KCNQ5: variants seen among roughly 807,000 people sequenced by gnomAD.
The protein encoded by KCNQ5 is potassium voltage-gated channel subfamily Q member 5.
In KCNQ5, 30 loss-of-function variants were observed where a neutral mutation model predicts 98.2. The observed-to-expected ratio is 0.31, with a 90% CI of 0.23 to 0.41. The LOEUF (loss-of-function observed/expected upper bound fraction) is 0.41. Ranked by LOEUF, KCNQ5 falls within the 10% of genes least tolerant of loss-of-function variation. The pLI is 1.00. For missense variants in KCNQ5, 835 were observed against 1,182.5 expected (o/e 0.71, Z 4.31); for synonymous variants, 458 against 449.4 (o/e 1.02, Z -0.24).
intron 1 of KCNQ5, chr6:72,986,648 A>C: frequency 1.3e-6 from 1 of 774,074 alleles, no homozygotes; most frequent in South Asian, 1.7e-5. Flanking sequence ...GAAGTCACCC[A>C]ATCCCAGGAA....
At chr6:73,133,047 A>T in intron 9 of KCNQ5, among the ~76,000 whole-genome samples, 2 of 152,344 alleles carry the variant, frequency 1.3e-5, no homozygotes, top group Admixed American at 1.3e-4. Context: ...CTCCCAAACA[A>T]AAAATAATTT....
intron 3 of KCNQ5, among the ~76,000 whole-genome samples, chr6:73,068,292 G>A (rs540779851): frequency 1.3e-4 from 20 of 152,080 alleles, no homozygotes; most frequent in East Asian, 3.9e-4. Context: ...GGGAAACTCC[G>A]TCTCAAAAAA....
chr6:72,882,900 T>C (rs1042388864), intron 1 of KCNQ5, among the ~76,000 whole-genome samples: 1 of 152,154 alleles, frequency 6.6e-6, no homozygotes, highest in African/African-American at 2.4e-5. Flanking sequence ...AGCTTTATGG[T>C]CTTTAATTTT....
chr6:72,774,989 G>C (rs1233435665), intron 1 of KCNQ5, among the ~76,000 whole-genome samples: 20 of 152,100 alleles, frequency 1.3e-4, no homozygotes, highest in Non-Finnish European at 2.6e-4. Context: ...GTGTCCATAT[G>C]TTCATGAAAA....
chr6:73,119,123 C>T (rs139003567), intron 7 of KCNQ5, among the ~76,000 whole-genome samples: 1 of 152,284 alleles, frequency 6.6e-6, no homozygotes, highest in Admixed American at 6.5e-5. Flanking sequence ...GGAGTAAATA[C>T]CTGGCCATTA....
At chr6:72,899,731 GATTTTGGTGTACCCATCACCAGAGCAGT>G in intron 1 of KCNQ5, among the ~76,000 whole-genome samples, 1 of 152,100 alleles carries the variant, frequency 6.6e-6, no homozygotes, top group Middle Eastern at 3.4e-3. Context: ...TGATTTCTGA[GATTTTGGTGTACCCATCACCAGAGCAGT>G]ATACACTTCA....
intron 1 of KCNQ5, among the ~76,000 whole-genome samples, chr6:72,724,915 C>T (rs1184093489): frequency 6.6e-6 from 1 of 152,138 alleles, no homozygotes; most frequent in Non-Finnish European, 1.5e-5. Flanking sequence ...TGCAGAAATA[C>T]AAGTCATATA....
chr6:72,767,177 T>C (rs1772616742), intron 1 of KCNQ5, among the ~76,000 whole-genome samples: 1 of 152,024 alleles, frequency 6.6e-6, no homozygotes, highest in Non-Finnish European at 1.5e-5. Flanking sequence ...TTTGGTATGT[T>C]AAATTTAATG....
intron 1 of KCNQ5, among the ~76,000 whole-genome samples, chr6:72,790,487 G>A (rs1457904672): frequency 6.6e-6 from 1 of 152,214 alleles, no homozygotes; most frequent in African/African-American, 2.4e-5. Context: ...TAAAAGGATA[G>A]TTACCAGAGG....
At chr6:72,960,237 T>C (rs1398454251) in intron 1 of KCNQ5, among the ~76,000 whole-genome samples, 2 of 152,188 alleles carry the variant, frequency 1.3e-5, no homozygotes, top group Non-Finnish European at 2.9e-5. Context: ...TCCAGATCTA[T>C]CAATAAGCAA....
chr6:73,140,571 C>G (rs1251711575), intron 10 of KCNQ5, among the ~76,000 whole-genome samples: 1 of 152,206 alleles, frequency 6.6e-6, no homozygotes, highest in African/African-American at 2.4e-5. Context: ...GTAGGGCACC[C>G]ATTCCTGTCA....
chr6:72,880,974 A>C lies in KCNQ5; in HGVS notation c.399-122934A>C, dbSNP rs181455771. On this transcript the variant is annotated intron_variant, in intron 1 of 13. Coordinates refer to ENST00000370398, the MANE Select transcript of KCNQ5 (RefSeq NM_019842.4). ...AGTTGGATTGATCCAAGATTGATGG[A>C]GCAGAGAGGATTAAAGATGTCGACA... Among the ~76,000 whole-genome samples, 209 of 152,330 alleles carry C rather than the reference A, an allele frequency of 1.4e-3. 3 individuals carry two copies. The highest frequency in any genetic ancestry group is 1.9e-4 in the Non-Finnish European group (13 of 68,030).
intron 1 of KCNQ5, among the ~76,000 whole-genome samples, chr6:72,814,023 C>G (rs1775378504): frequency 6.6e-6 from 1 of 152,046 alleles, no homozygotes; most frequent in South Asian, 2.1e-4. Context: ...TCACCCAGAG[C>G]CTATGGGGCC....
chr6:72,625,263 C>T (rs2098917496), intron 1 of KCNQ5, among the ~76,000 whole-genome samples: 1 of 152,118 alleles, frequency 6.6e-6, no homozygotes, highest in South Asian at 2.1e-4. Flanking sequence ...GAGTACATAT[C>T]CTAGCCTATT....
intron 1 of KCNQ5, among the ~76,000 whole-genome samples, chr6:72,737,921 C>T (rs568378379): frequency 1.3e-4 from 20 of 152,094 alleles, no homozygotes; most frequent in Non-Finnish European, 2.5e-4. Context: ...TTTGGGAGGC[C>T]GAGGTGGGTG....
intron 1 of KCNQ5, among the ~76,000 whole-genome samples, chr6:72,931,313 T>C (rs1373329655): frequency 5.3e-5 from 8 of 152,196 alleles, no homozygotes; most frequent in Admixed American, 2.0e-4. Flanking sequence ...AATAAATTAC[T>C]ACTAGAATAC....
chr6:72,684,890 CTGTG>C (rs1172440266), intron 1 of KCNQ5, among the ~76,000 whole-genome samples: 1 of 151,796 alleles, frequency 6.6e-6, no homozygotes, highest in Non-Finnish European at 1.5e-5. Flanking sequence ...GTGTGTCTGT[CTGTG>C]TATTTCTGAG....
At chr6:72,951,944 A>T (rs913433995) in intron 1 of KCNQ5, among the ~76,000 whole-genome samples, 13 of 152,332 alleles carry the variant, frequency 8.5e-5, no homozygotes, top group African/African-American at 2.4e-4. Context: ...ATTTCACTAA[A>T]TAAAATGAAA....
chr6:73,168,477 C>T (rs143063103), intron 10 of KCNQ5, among the ~76,000 whole-genome samples: 6 of 152,222 alleles, frequency 3.9e-5, no homozygotes, highest in African/African-American at 9.6e-5. Flanking sequence ...CCAAGGCAGA[C>T]GGGTCACTTG....
Sources: gnomAD v4.1 joint callset for allele counts (sites outside exome capture counted in the v4.1 genomes callset) on GRCh38, gnomAD v4.1.1 for gene constraint, MANE v1.5 for transcripts, NCBI Gene and HGNC (gene_info 2026-07-23, HGNC 2026-07-21) for gene names.